Variants in ATP10B observed in about 807,000 individuals in gnomAD.
ATP10B encodes ATPase phospholipid transporting 10B (putative).
ATP10B carries 122 observed loss-of-function variants against 141.2 expected under a neutral mutation model. The observed-to-expected ratio is 0.86, with a 90% CI of 0.75 to 1.00. The LOEUF (loss-of-function observed/expected upper bound fraction) is 1.00. Among genes scored for constraint, ATP10B ranks in the 50% least tolerant of loss-of-function variants. ATP10B has a pLI of 0.00. For synonymous variants in ATP10B, 685 were observed against 692.0 expected (o/e 0.99, Z 0.16); for missense variants, 1,876 against 1,825.3 (o/e 1.03, Z -0.51).
intron 12 of ATP10B, 134 bp downstream of exon 12, chr5:160,634,220 T>C: frequency 8.1e-7 from 1 of 1,227,854 alleles, no homozygotes. Flanking sequence ...ACCACAGGGA[T>C]ACAGGAAGCA....
At chr5:160,649,343 C>A (rs1048110791) in intron 7 of ATP10B, 87 bp from the exon 8 acceptor site, 12 of 941,656 alleles carry the variant, frequency 1.3e-5, no homozygotes, top group Non-Finnish European at 1.8e-5. Context: ...ACTGTTAGAA[C>A]CATTGCAAAT....
At chr5:160,740,995 T>G (rs1444243520) in intron 2 of ATP10B, among the ~76,000 whole-genome samples, 1 of 152,230 alleles carries the variant, frequency 6.6e-6, no homozygotes, top group East Asian at 1.9e-4. Flanking sequence ...CTCCCCTTGC[T>G]TCAGCCTCCA....
At chr5:160,787,122 A>G (rs1771215356) in intron 1 of ATP10B, among the ~76,000 whole-genome samples, 1 of 124,822 alleles carries the variant, frequency 8.0e-6, no homozygotes. Context: ...ACACACACAC[A>G]CACACACACA....
chr5:160,697,366 G>A (rs1034224691), intron 3 of ATP10B, among the ~76,000 whole-genome samples: 1 of 152,130 alleles, frequency 6.6e-6, no homozygotes, highest in African/African-American at 2.4e-5. Context: ...ACTTGGGGAA[G>A]GCCGAACTTT....
chr5:160,887,434 A>C, the ATP10B span, among the ~76,000 whole-genome samples: 1 of 152,186 alleles, frequency 6.6e-6, no homozygotes, highest in African/African-American at 2.4e-5. Context: ...TTGAAAACAC[A>C]GGTTCAGAAC....
At chr5:160,929,003 G>A in the ATP10B span, among the ~76,000 whole-genome samples, 2 of 152,198 alleles carry the variant, frequency 1.3e-5, no homozygotes, top group Non-Finnish European at 2.9e-5. Flanking sequence ...TGGGCAAAGA[G>A]CTTCCCAAAT....
the ATP10B span, among the ~76,000 whole-genome samples, chr5:160,912,778 C>T: frequency 6.6e-6 from 1 of 152,134 alleles, no homozygotes; most frequent in Non-Finnish European, 1.5e-5. Flanking sequence ...GCTTTTCCTA[C>T]CCCCGGGTAG....
chr5:160,829,477 G>GT (rs1561902203), intron 1 of ATP10B, among the ~76,000 whole-genome samples: 1 of 152,062 alleles, frequency 6.6e-6, no homozygotes, highest in Non-Finnish European at 1.5e-5. Context: ...GTTTAGAATC[G>GT]TTTTTTCCTA....
chr5:160,875,457 T>C, the ATP10B span, among the ~76,000 whole-genome samples: 1 of 103,890 alleles, frequency 9.6e-6, no homozygotes, highest in African/African-American at 2.9e-5. Flanking sequence ...CCATCGAGAC[T>C]AGGAAGAAAC....
At chr5:160,870,813 CAAAG>C in the ATP10B span, among the ~76,000 whole-genome samples, 1 of 151,262 alleles carries the variant, frequency 6.6e-6, no homozygotes, top group Non-Finnish European at 1.5e-5. Context: ...AAATCAAAGA[CAAAG>C]AATTCTGAAA....
intron 2 of ATP10B, among the ~76,000 whole-genome samples, chr5:160,724,150 G>C (rs1235181684): frequency 6.6e-6 from 1 of 151,570 alleles, no homozygotes; most frequent in African/African-American, 2.4e-5. Flanking sequence ...AGGAGGGAGA[G>C]GATCAGGAAA....
chr5:160,908,041 C>T, the ATP10B span, among the ~76,000 whole-genome samples: 2 of 152,310 alleles, frequency 1.3e-5, no homozygotes, highest in Non-Finnish European at 2.9e-5. Context: ...GAGTAAACCA[C>T]TACCCAATAA....
chr5:160,819,782 C>T (rs575711584), intron 1 of ATP10B, among the ~76,000 whole-genome samples: 1 of 152,074 alleles, frequency 6.6e-6, no homozygotes, highest in Non-Finnish European at 1.5e-5. Flanking sequence ...GGTTATAAGA[C>T]AGTATTTGCA....
chr5:160,886,480 A>T, the ATP10B span, among the ~76,000 whole-genome samples: 1 of 152,172 alleles, frequency 6.6e-6, no homozygotes, highest in Non-Finnish European at 1.5e-5. Flanking sequence ...GAGGGGAAGT[A>T]ACAGGGAAAT....
intron 1 of ATP10B, among the ~76,000 whole-genome samples, chr5:160,823,483 G>A (rs571045823): frequency 2.0e-5 from 3 of 152,130 alleles, no homozygotes; most frequent in South Asian, 2.1e-4. Flanking sequence ...GCAAACCACC[G>A]TGGCACACAT....
chr5:160,721,389 G>A (rs1581413847), intron 2 of ATP10B, among the ~76,000 whole-genome samples: 1 of 152,078 alleles, frequency 6.6e-6, no homozygotes, highest in Admixed American at 6.5e-5. Flanking sequence ...TAGGCCCCAG[G>A]CCATTGTCAC....
At chr5:160,910,227 T>G in the ATP10B span, among the ~76,000 whole-genome samples, 8 of 152,218 alleles carry the variant, frequency 5.3e-5, no homozygotes, top group African/African-American at 1.9e-4. Context: ...AAGATGAGAC[T>G]GGTTCCTTTT....
At chr5:160,850,392 C>T (rs564295909) in intron 1 of ATP10B, among the ~76,000 whole-genome samples, 3 of 152,028 alleles carry the variant, frequency 2.0e-5, no homozygotes, top group Non-Finnish European at 2.9e-5. Context: ...CCACTGCACG[C>T]CAGCCTGGGT....
intron 8 of ATP10B, among the ~76,000 whole-genome samples, chr5:160,645,651 C>T (rs1760226904): frequency 6.6e-6 from 1 of 152,168 alleles, no homozygotes; most frequent in South Asian, 2.1e-4. Flanking sequence ...TGGGGTCTGG[C>T]CTTTACTCTA....
Sources: gnomAD v4.1 joint callset for allele counts (sites outside exome capture counted in the v4.1 genomes callset) on GRCh38, gnomAD v4.1.1 for gene constraint, MANE v1.5 for transcripts, NCBI Gene and HGNC (gene_info 2026-07-23, HGNC 2026-07-21) for gene names.